The following DCUN1D3 variants were observed in gnomAD, a reference collection of about 807,000 sequenced individuals.
DCUN1D3 encodes defective in cullin neddylation 1 domain containing 3.
DCUN1D3 carries 6 observed loss-of-function variants against 24.8 expected under a neutral mutation model. That is an observed-to-expected ratio of 0.24 (90% CI 0.13 to 0.48). The LOEUF (loss-of-function observed/expected upper bound fraction) is 0.48. Ranked by LOEUF, DCUN1D3 falls within the 20% of genes least tolerant of loss-of-function variation. The pLI is 0.99. For missense variants in DCUN1D3, 258 were observed against 379.4 expected (o/e 0.68, Z 2.66); for synonymous variants, 120 against 144.9 (o/e 0.83, Z 1.24).
chr16:20,887,835 T>G (rs1325409306), intron 1 of DCUN1D3, among the ~76,000 whole-genome samples: 3 of 152,192 alleles, frequency 2.0e-5, no homozygotes, highest in African/African-American at 7.2e-5. Context: ...AGGCATACAG[T>G]CAAAGATAAA....
At position 20,894,221 on chromosome 16, in the gene DCUN1D3, A is replaced by G. The variant is rs747502056; in HGVS notation, c.-106+5983T>C. ...GAGGTCGAGGCTGCCGTGAGCCTTG[A>G]TCATGCCACTGCATTCCAGCCTGGG... On this transcript the variant is annotated intron_variant, in intron 1 of 2. Transcript: ENST00000324344. 2.4e-4 allele frequency among the ~76,000 whole-genome samples: 36 copies of G among 152,264 alleles called. No homozygotes were observed. In the Middle Eastern group the frequency reaches 0.014, roughly 58 times the overall value.
intron 1 of DCUN1D3, among the ~76,000 whole-genome samples, chr16:20,865,064 AAAT>A (rs2152516330): frequency 6.6e-6 from 1 of 152,206 alleles, no homozygotes; most frequent in East Asian, 1.9e-4. Flanking sequence ...CTGGGTGATG[AAAT>A]AATATGTACA....
At chr16:20,884,829 G>T (rs762865487) in intron 1 of DCUN1D3, among the ~76,000 whole-genome samples, 2 of 152,092 alleles carry the variant, frequency 1.3e-5, no homozygotes, top group Admixed American at 6.5e-5. Flanking sequence ...TAGAAACCTT[G>T]TATTAAATAA....
chr16:20,865,630 T>A (rs539381626), intron 1 of DCUN1D3, among the ~76,000 whole-genome samples: 1 of 152,334 alleles, frequency 6.6e-6, no homozygotes, highest in East Asian at 1.9e-4. Flanking sequence ...TCAACGTCAG[T>A]CACCCGGGCC....
intron 1 of DCUN1D3, among the ~76,000 whole-genome samples, 190 bp from the exon 2 acceptor site, chr16:20,862,833 G>T (rs1411713424): frequency 6.6e-6 from 1 of 152,176 alleles, no homozygotes; most frequent in Non-Finnish European, 1.5e-5. Context: ...AGAGGCTGGG[G>T]CACATATGGA....
intron 1 of DCUN1D3, among the ~76,000 whole-genome samples, chr16:20,863,870 G>GA (rs2081746080): frequency 6.6e-6 from 1 of 152,152 alleles, no homozygotes; most frequent in Non-Finnish European, 1.5e-5. Flanking sequence ...AAGCAATGGG[G>GA]AAAAGACTCC....
At chr16:20,898,448 A>T (rs1016175506) in intron 1 of DCUN1D3, among the ~76,000 whole-genome samples, 3 of 152,220 alleles carry the variant, frequency 2.0e-5, no homozygotes, top group African/African-American at 4.8e-5. Context: ...TGCCTGAAAC[A>T]CTGGCTAGCA....
intron 1 of DCUN1D3, among the ~76,000 whole-genome samples, chr16:20,885,836 A>T (rs535680820): frequency 6.6e-6 from 1 of 152,294 alleles, no homozygotes; most frequent in East Asian, 1.9e-4. Context: ...GGAAGAAGTA[A>T]TCTACAGGTC....
chr16:20,879,626 C>T lies in DCUN1D3; in HGVS notation c.-105-16983G>A, dbSNP rs544585478. The stretch of plus-strand genomic sequence containing the variant: ...AGCCAAATGCAGGCATTTAACAAGT[C>T]ACTACCCTTTCAGTTAGGAGAATCG... On this transcript the variant is annotated intron_variant, in intron 1 of 2. Transcript: ENST00000324344. Among the ~76,000 whole-genome samples, 8 of 152,320 alleles carry T rather than the reference C, an allele frequency of 5.3e-5. No homozygotes were observed. In the East Asian group the frequency reaches 7.7e-4, roughly 15 times the overall value.
intron 1 of DCUN1D3, among the ~76,000 whole-genome samples, chr16:20,874,248 T>G (rs999294463): frequency 6.6e-6 from 1 of 152,202 alleles, no homozygotes; most frequent in Non-Finnish European, 1.5e-5. Context: ...GACCCTTAGC[T>G]GAACAACAGG....
intron 1 of DCUN1D3, among the ~76,000 whole-genome samples, chr16:20,871,783 T>G (rs545507491): frequency 6.6e-6 from 1 of 152,314 alleles, no homozygotes; most frequent in Non-Finnish European, 1.5e-5. Flanking sequence ...CTTGAAATAT[T>G]TTTTGCTGTC....
rs532215961 is a variant in DCUN1D3, at chr16:20,855,449, T to A, written c.*4437A>T. On this transcript the variant is annotated 3_prime_UTR_variant, in exon 3 of 3. Coordinates refer to ENST00000324344, the MANE Select transcript of DCUN1D3 (RefSeq NM_173475.4). ...CCTTTGGCAATATCCAAGATTTGTG[T>A]TGAAAGGAGCAGGGAGGTTGGATGG... is the stretch of plus-strand genomic sequence containing the variant. 1.3e-5 allele frequency: 2 copies of A among 152,388 alleles called. No individual in the cohort carries two copies. Among genetic ancestry groups the A allele is most frequent in the South Asian group, 4.1e-4 (2 of 4,822 alleles). The allele number at this position is 152,388 out of a possible 1,614,324, so 9.4% of individuals were successfully genotyped here.
chr16:20,882,254 T>C (rs1175563989), intron 1 of DCUN1D3, among the ~76,000 whole-genome samples: 1 of 50,226 alleles, frequency 2.0e-5, no homozygotes, highest in Non-Finnish European at 3.5e-5. Context: ...ACATTGCTAT[T>C]TTTTTTTTTT....
At chr16:20,887,840 G>T (rs1228494780) in intron 1 of DCUN1D3, among the ~76,000 whole-genome samples, 2 of 152,220 alleles carry the variant, frequency 1.3e-5, no homozygotes, top group Non-Finnish European at 2.9e-5. Flanking sequence ...TACAGTCAAA[G>T]ATAAAAATGT....
At chr16:20,884,311 A>G (rs1428185337) in intron 1 of DCUN1D3, among the ~76,000 whole-genome samples, 2 of 152,190 alleles carry the variant, frequency 1.3e-5, no homozygotes, top group Non-Finnish European at 2.9e-5. Flanking sequence ...AACTGATCCA[A>G]TGGCAATTTC....
intron 1 of DCUN1D3, among the ~76,000 whole-genome samples, chr16:20,879,907 T>G (rs2081834445): frequency 6.6e-6 from 1 of 152,230 alleles, no homozygotes; most frequent in East Asian, 1.9e-4. Flanking sequence ...TCTTTCTCAT[T>G]GCAAATCAAT....
intron 1 of DCUN1D3, among the ~76,000 whole-genome samples, chr16:20,875,975 A>T (rs1289187024): frequency 2.0e-5 from 3 of 151,838 alleles, no homozygotes; most frequent in Non-Finnish European, 2.9e-5. Context: ...TTATTTATTT[A>T]TTTTTTTTGA....
In DCUN1D3 at chr16:20,862,412, G is replaced by A; in HGVS notation, c.127C>T (p.Pro43Ser). The change falls in exon 2 of 3, where the codon CCC becomes TCC. Residue 43 changes from proline to serine, a missense_variant. Coordinates refer to ENST00000324344, the MANE Select transcript of DCUN1D3 (RefSeq NM_173475.4). ...GAGHREEQVP[P>S]CGKPGGDILV... ...ATATCTCCACCTGGCTTGCCACAGGGTGGTACCTGCTCCTCACGGTGGCCT... is the reference window on the plus strand; with the variant it reads ...ATATCTCCACCTGGCTTGCCACAGGATGGTACCTGCTCCTCACGGTGGCCT... 5 of 1,613,998 alleles carry A rather than the reference G, an allele frequency of 3.1e-6. No individual in the cohort carries two copies. The highest frequency in any genetic ancestry group is 4.2e-6 in the Non-Finnish European group (5 of 1,180,040).
chr16:20,866,697 C>T (rs1312230420), intron 1 of DCUN1D3, among the ~76,000 whole-genome samples: 2 of 152,258 alleles, frequency 1.3e-5, no homozygotes, highest in African/African-American at 4.8e-5. Flanking sequence ...GATCAATCAG[C>T]AAATGCCAGA....
Sources: gnomAD v4.1 joint callset for allele counts (sites outside exome capture counted in the v4.1 genomes callset) on GRCh38, gnomAD v4.1.1 for gene constraint, MANE v1.5 for transcripts, NCBI Gene and HGNC (gene_info 2026-07-23, HGNC 2026-07-21) for gene names.